Variants in ITGB6 observed in about 807,000 individuals in gnomAD.
The protein encoded by ITGB6 is integrin subunit beta 6.
In ITGB6, 80 loss-of-function variants were observed where a neutral mutation model predicts 84.5. The observed-to-expected ratio is 0.95, with a 90% CI of 0.79 to 1.14. The LOEUF (loss-of-function observed/expected upper bound fraction) is 1.14, where lower values mean the gene tolerates loss of function less well. ITGB6 is among the 50% of genes most tolerant of loss of function. The pLI is 0.00. For missense variants in ITGB6, 1,006 were observed against 968.0 expected (o/e 1.04, Z -0.52); for synonymous variants, 383 against 354.9 (o/e 1.08, Z -0.89).
intron 10 of ITGB6, among the ~76,000 whole-genome samples, chr2:160,132,158 C>T (rs1683494314): frequency 6.6e-6 from 1 of 152,104 alleles, no homozygotes; most frequent in Non-Finnish European, 1.5e-5. Flanking sequence ...GTGGTGACGG[C>T]CTTTGGCTGG....
At chr2:160,111,805 C>T (rs1034620113) in intron 13 of ITGB6, among the ~76,000 whole-genome samples, 2 of 152,008 alleles carry the variant, frequency 1.3e-5, no homozygotes, top group Non-Finnish European at 2.9e-5. Context: ...GTCTCCAACT[C>T]CTGACCTCAA....
In ITGB6 at chr2:160,099,728, G is replaced by A. The variant is rs1696643902; in HGVS notation, c.*2008C>T. On this transcript the variant is annotated 3_prime_UTR_variant, in exon 15 of 15. Coordinates refer to ENST00000283249, the MANE Select transcript of ITGB6 (RefSeq NM_000888.5). Reference sequence around the variant, plus strand: ...CAACACAAAATACAATAATAAACACGACAAAACCATTTTATCTTCATGTAA... The same window carrying A: ...CAACACAAAATACAATAATAAACACAACAAAACCATTTTATCTTCATGTAA... The A allele has an allele frequency of 6.6e-6, 1 of 152,094 alleles. No homozygotes were observed. Among genetic ancestry groups the A allele is most frequent in the Non-Finnish European group, 1.5e-5 (1 of 68,014 alleles). The allele number at this position is 152,094 out of a possible 1,614,324, so 9.4% of individuals were successfully genotyped here.
chr2:160,153,977 C>A (rs536650061), intron 7 of ITGB6, among the ~76,000 whole-genome samples: 128 of 152,150 alleles, frequency 8.4e-4, no homozygotes, highest in African/African-American at 2.9e-3. Flanking sequence ...ACTTTTACAC[C>A]GTTGGTGGGA....
chr2:160,130,101 A>G (rs1683405952), intron 10 of ITGB6, among the ~76,000 whole-genome samples: 1 of 152,168 alleles, frequency 6.6e-6, no homozygotes, highest in South Asian at 2.1e-4. Flanking sequence ...TATATGGTAT[A>G]GCCTATTGCT....
chr2:160,137,319 G>T, intron 10 of ITGB6, 115 bp downstream of exon 10: 3 of 969,306 alleles, frequency 3.1e-6, no homozygotes, highest in Non-Finnish European at 4.7e-6. Context: ...AGGCTGATCA[G>T]CAAATATTTA....
chr2:160,145,141 G>GA (rs1684141870), intron 7 of ITGB6, among the ~76,000 whole-genome samples: 1 of 152,176 alleles, frequency 6.6e-6, no homozygotes, highest in Admixed American at 6.5e-5. Flanking sequence ...TTTAATGTTA[G>GA]AAAAAGGATG....
chr2:160,150,112 C>A (rs1329406523), intron 7 of ITGB6, among the ~76,000 whole-genome samples: 1 of 152,158 alleles, frequency 6.6e-6, no homozygotes, highest in African/African-American at 2.4e-5. Context: ...GAGAACACTA[C>A]AAAGATACTC....
intron 4 of ITGB6, among the ~76,000 whole-genome samples, chr2:160,191,728 T>G (rs576805683): frequency 1.6e-4 from 24 of 152,286 alleles, no homozygotes; most frequent in African/African-American, 5.3e-4. Context: ...AAGAAGTTGT[T>G]ATTCATAGAT....
chr2:160,137,310 G>A, intron 10 of ITGB6, 124 bp downstream of exon 10: 1 of 885,238 alleles, frequency 1.1e-6, no homozygotes, highest in East Asian at 2.5e-5. Context: ...CTAGGTCTAA[G>A]GCTGATCAGC....
intron 7 of ITGB6, among the ~76,000 whole-genome samples, chr2:160,142,621 A>ACAACCCCAG (rs1684041351): frequency 6.6e-6 from 1 of 152,166 alleles, no homozygotes; most frequent in Non-Finnish European, 1.5e-5. Flanking sequence ...CCCTTTCAGG[A>ACAACCCCAG]TGCTAGCACC....
intron 10 of ITGB6, among the ~76,000 whole-genome samples, chr2:160,134,834 G>A (rs561345571): frequency 6.6e-6 from 1 of 152,142 alleles, no homozygotes; most frequent in South Asian, 2.1e-4. Flanking sequence ...TGCAGAAAAG[G>A]CCTTTGACAA....
rs575547580 is a variant in ITGB6, at chr2:160,151,614, A to G, written c.1018-9543T>C. On this transcript the variant is annotated intron_variant, in intron 7 of 14. Coordinates refer to ENST00000283249, the MANE Select transcript of ITGB6 (RefSeq NM_000888.5). ...TAAGATCAGAGCAGAACTGAAAGAGATAAGAGACACAAAAAACCCTTCAAA... is the reference window on the plus strand; with the variant it reads ...TAAGATCAGAGCAGAACTGAAAGAGGTAAGAGACACAAAAAACCCTTCAAA... Among the ~76,000 whole-genome samples, 6 of 152,312 alleles carry G rather than the reference A, an allele frequency of 3.9e-5. No individual in the cohort carries two copies. In the South Asian group the frequency reaches 1.2e-3, roughly 32 times the overall value.
At chr2:160,170,718 C>T (rs1032653863) in intron 6 of ITGB6, among the ~76,000 whole-genome samples, 2 of 152,256 alleles carry the variant, frequency 1.3e-5, no homozygotes, top group East Asian at 1.9e-4. Flanking sequence ...TCAGAGGACC[C>T]GGGGGCTATG....
Position 160,123,828 on chromosome 2 carries a change from C to G in ITGB6, c.1944G>C (p.Lys648Asn). ...AGQAREECVD[K>N]CKLAGATISE... The stretch of plus-strand genomic sequence containing the variant: ...TGATGGTCGCACCAGCTAGTTTGCA[C>G]TTGTCCACACATTCTTCTCGGGCTT... Residue 648 changes from lysine to asparagine, a missense_variant, in exon 12 of 15, where the codon AAG (lysine) becomes AAC (asparagine). Physicochemically the swap from Lys to Asn is moderately conservative, Grantham distance 94. Transcript: ENST00000283249. 1 of 1,614,054 alleles carries G rather than the reference C, an allele frequency of 6.2e-7. No individual in the cohort carries two copies. The highest frequency in any genetic ancestry group is 8.5e-7 in the Non-Finnish European group (1 of 1,179,968).
intron 2 of ITGB6, 120 bp from the exon 3 acceptor site, chr2:160,196,540 G>A (rs916605428): frequency 7.9e-6 from 6 of 763,798 alleles, no homozygotes; most frequent in Non-Finnish European, 1.1e-5. Context: ...TTGCCATATT[G>A]TATCCCTACA....
chr2:160,197,873 C>G (rs1338150874), intron 2 of ITGB6, among the ~76,000 whole-genome samples: 1 of 152,248 alleles, frequency 6.6e-6, no homozygotes, highest in East Asian at 1.9e-4. Flanking sequence ...TAAGCAGAAG[C>G]CTAATTTACT....
chr2:160,141,999 T>C lies in ITGB6; in HGVS notation c.1090A>G (p.Ile364Val). 1 of 1,604,822 alleles carries C rather than the reference T, an allele frequency of 6.2e-7. No homozygotes were observed. Among genetic ancestry groups the C allele is most frequent in the Non-Finnish European group, 8.5e-7 (1 of 1,173,914 alleles). ...TATCCTACTTCATAAGCTGAGATGA[T>C]CAGCTGGAGAATGTTTCCGGAGTCC... ...QKDSGNILQL[I>V]ISAYEELRSE... Residue 364 changes from isoleucine (I) to valine (V), a missense_variant, in exon 8 of 15, where the codon ATC becomes GTC. Physicochemically the swap from Ile to Val is conservative, Grantham distance 29. Transcript: ENST00000283249.
rs1176349010 is a variant in ITGB6, at chr2:160,174,020, G to C, written c.713C>G (p.Thr238Arg). 1 of 1,613,776 alleles carries C rather than the reference G, an allele frequency of 6.2e-7. No homozygotes were observed. The highest frequency in any genetic ancestry group is 1.7e-5 in the Admixed American group (1 of 59,900). ...KNQKISANID[T>R]PEGGFDAIMQ... ...AATTGCATCAAATCCACCTTCGGGT[G>C]TGTCAATATTAGCAGAAATTTTCTG... Residue 238 changes from threonine to arginine, a missense_variant, in exon 5 of 15, where the codon ACA (threonine) becomes AGA (arginine). Transcript: ENST00000283249.
chr2:160,103,426 C>G (rs1261224776), intron 14 of ITGB6, among the ~76,000 whole-genome samples: 3 of 152,174 alleles, frequency 2.0e-5, no homozygotes, highest in East Asian at 3.9e-4. Flanking sequence ...TATAATAAAG[C>G]CAAACAGAAA....
Sources: allele counts gnomAD v4.1 joint callset (sites outside exome capture counted in the v4.1 genomes callset), GRCh38; gene constraint gnomAD v4.1.1; transcripts MANE v1.5; gene names NCBI Gene and HGNC (gene_info 2026-07-23, HGNC 2026-07-21).